Variants in RGS5 observed in about 807,000 individuals in gnomAD.
RGS5 encodes regulator of G protein signaling 5.
In RGS5, 20 loss-of-function variants were observed where a neutral mutation model predicts 18.9. The observed-to-expected ratio is 1.06, with a 90% CI of 0.74 to 1.54. The LOEUF (loss-of-function observed/expected upper bound fraction) is 1.54, where lower values mean the gene tolerates loss of function less well. RGS5 is among the 40% of genes most tolerant of loss of function. RGS5 has a pLI of 0.00. For synonymous variants in RGS5, 57 were observed against 76.2 expected (o/e 0.75, Z 1.31); for missense variants, 201 against 211.8 (o/e 0.95, Z 0.32).
At chr1:163,277,623 C>A (rs1648889451) in intron 2 of RGS5, among the ~76,000 whole-genome samples, 1 of 152,104 alleles carries the variant, frequency 6.6e-6, no homozygotes, top group African/African-American at 2.4e-5. Flanking sequence ...AGCCCATAAC[C>A]ACTGTACCCT....
At position 163,224,157 on chromosome 1, in the gene RGS5, T is replaced by A. The variant is rs934011209; in HGVS notation, c.-280-55789A>T. On this transcript the variant is annotated intron_variant, in intron 2 of 5. Transcript: ENST00000618415. ...TACTGTGCAATAGAACACCAGAACT[T>A]GTCCCTCCTATCTAACTGTTAACCA... 4.6e-5 allele frequency among the ~76,000 whole-genome samples: 7 copies of A among 152,086 alleles called. No homozygotes were observed. The East Asian group carries it at 1.3e-3, about 29-fold the overall frequency.
At chr1:163,293,462 A>G (rs1649346453) in intron 2 of RGS5, among the ~76,000 whole-genome samples, 1 of 152,140 alleles carries the variant, frequency 6.6e-6, no homozygotes, top group Non-Finnish European at 1.5e-5. Flanking sequence ...CAAAGGGGAA[A>G]CTGTCCCCAT....
intron 1 of RGS5, among the ~76,000 whole-genome samples, chr1:163,182,311 G>A (rs1361516291): frequency 2.0e-5 from 3 of 152,156 alleles, no homozygotes; most frequent in African/African-American, 7.2e-5. Context: ...GAACTCCTAT[G>A]GAGTGACAAA....
At chr1:163,317,975 G>A (rs2101655056) in intron 1 of RGS5, among the ~76,000 whole-genome samples, 1 of 151,944 alleles carries the variant, frequency 6.6e-6, no homozygotes, top group Non-Finnish European at 1.5e-5. Flanking sequence ...CACAAAATAA[G>A]GGTTCAATGA....
At chr1:163,287,458 T>C (rs1649173878) in intron 2 of RGS5, among the ~76,000 whole-genome samples, 1 of 152,222 alleles carries the variant, frequency 6.6e-6, no homozygotes, top group Non-Finnish European at 1.5e-5. Context: ...GACCATGCCA[T>C]TCATTTCCTA....
At chr1:163,318,600 G>A (rs1035815440) in intron 1 of RGS5, among the ~76,000 whole-genome samples, 1 of 152,182 alleles carries the variant, frequency 6.6e-6, no homozygotes, top group Admixed American at 6.5e-5. Context: ...TGAGTGGACA[G>A]TGCTCACAGG....
intron 2 of RGS5, among the ~76,000 whole-genome samples, chr1:163,241,293 G>A (rs569816486): frequency 1.3e-5 from 2 of 152,192 alleles, no homozygotes; most frequent in South Asian, 4.1e-4. Context: ...ATGGTGCTTG[G>A]CACAGAGCAG....
upstream of RGS5, among the ~76,000 whole-genome samples, chr1:163,221,750 A>T (rs1224765307): frequency 6.6e-6 from 1 of 152,212 alleles, no homozygotes; most frequent in Non-Finnish European, 1.5e-5. Context: ...CAGCAGCTGC[A>T]GTTGGAGTTG....
chr1:163,272,193 T>C (rs1040110529), intron 2 of RGS5, among the ~76,000 whole-genome samples: 3 of 152,090 alleles, frequency 2.0e-5, no homozygotes, highest in Non-Finnish European at 2.9e-5. Flanking sequence ...TAATGAGGAT[T>C]ACATTTTCTT....
At chr1:163,175,228 C>T (rs1658494805) in intron 1 of RGS5, among the ~76,000 whole-genome samples, 1 of 152,136 alleles carries the variant, frequency 6.6e-6, no homozygotes, top group Non-Finnish European at 1.5e-5. Flanking sequence ...GAGAGAGGAG[C>T]TCCTCTGAGT....
rs186798931 is a variant in RGS5 at position 163,241,172 on chromosome 1, A to T, written c.-281+65061T>A. Among the ~76,000 whole-genome samples the T allele has an allele frequency of 2.6e-4, 40 of 152,264 alleles. No homozygotes were observed. In the South Asian group the frequency reaches 3.5e-3, roughly 13 times the overall value. On this transcript the variant is annotated intron_variant, in intron 2 of 5. Transcript: ENST00000618415. ...TTACTTTTCTTCTATAATAACTGAT[A>T]TTGTATTATGTGTTCATTTGATTAT... is the stretch of plus-strand genomic sequence containing the variant.
intron 1 of RGS5, among the ~76,000 whole-genome samples, chr1:163,194,727 T>C (rs1458159489): frequency 6.6e-6 from 1 of 152,176 alleles, no homozygotes; most frequent in African/African-American, 2.4e-5. Flanking sequence ...GAAATCTCAA[T>C]GTGTGAACAT....
At chr1:163,313,330 T>C (rs139651336) in intron 1 of RGS5, among the ~76,000 whole-genome samples, 2 of 152,316 alleles carry the variant, frequency 1.3e-5, no homozygotes, top group Admixed American at 1.3e-4. Flanking sequence ...AGAAAAGCCC[T>C]AGCCAATGAA....
intron 2 of RGS5, among the ~76,000 whole-genome samples, chr1:163,263,737 G>A (rs1648508497): frequency 6.6e-6 from 1 of 151,800 alleles, no homozygotes; most frequent in Admixed American, 6.6e-5. Flanking sequence ...TGGTGTTTTC[G>A]GAATATTTTG....
chr1:163,250,684 G>A (rs568920719), intron 2 of RGS5, among the ~76,000 whole-genome samples: 3 of 152,122 alleles, frequency 2.0e-5, no homozygotes, highest in South Asian at 2.1e-4. Context: ...GAAAGACCCC[G>A]AAAAAATAGA....
chr1:163,163,047 G>GC (rs1657877680), intron 2 of RGS5, among the ~76,000 whole-genome samples: 1 of 150,658 alleles, frequency 6.6e-6, no homozygotes, highest in African/African-American at 2.5e-5. Context: ...TTCGGGGGGG[G>GC]GGGTGGTTAA....
chr1:163,307,344 T>G (rs1439093479), intron 1 of RGS5, among the ~76,000 whole-genome samples: 1 of 152,196 alleles, frequency 6.6e-6, no homozygotes, highest in African/African-American at 2.4e-5. Context: ...CATTGCCAAG[T>G]GGTAAAATAG....
intron 2 of RGS5, among the ~76,000 whole-genome samples, chr1:163,250,335 T>C (rs1288400862): frequency 6.6e-6 from 1 of 152,212 alleles, no homozygotes; most frequent in Non-Finnish European, 1.5e-5. Flanking sequence ...AGAACATCTG[T>C]ATTTAGGGCA....
chr1:163,152,488 T>C lies in RGS5; in HGVS notation c.384+62A>G, dbSNP rs141729691. 1.8e-5 allele frequency: 27 copies of C among 1,509,438 alleles called. No homozygotes were observed. The African/African-American group carries it at 2.1e-4, about 12-fold the overall frequency. 93.5% of individuals were successfully genotyped at this position (1,509,438 alleles called of 1,614,324 possible). Reference sequence around the variant, plus strand: ...CCCAACGGGAGGTCTGTGTCTCAGATGTAAATCCTTCCTGAGAGCTAATGA... The same window carrying C: ...CCCAACGGGAGGTCTGTGTCTCAGACGTAAATCCTTCCTGAGAGCTAATGA... On this transcript the variant is annotated intron_variant, in intron 4 of 4. Coordinates refer to ENST00000313961, the MANE Select transcript of RGS5 (RefSeq NM_003617.4).
Sources: gnomAD v4.1 joint callset for allele counts (sites outside exome capture counted in the v4.1 genomes callset) on GRCh38, gnomAD v4.1.1 for gene constraint, MANE v1.5 for transcripts, NCBI Gene and HGNC (gene_info 2026-07-23, HGNC 2026-07-21) for gene names.